PROM1: variants seen among roughly 807,000 people sequenced by gnomAD.
PROM1 encodes the protein prominin-1.
In PROM1, 105 loss-of-function variants were observed where a neutral mutation model predicts 116.9. The observed-to-expected ratio is 0.90, with a 90% CI of 0.77 to 1.06. The LOEUF is 1.06. PROM1 is among the 50% of genes least tolerant of loss of function. The probability of loss-of-function intolerance (pLI) is 0.00; values close to 1 mark genes in which losing one functional copy is unlikely to be tolerated. For synonymous variants in PROM1, 393 were observed against 387.0 expected (o/e 1.02, Z -0.18); for missense variants, 1,122 against 1,045.2 (o/e 1.07, Z -1.01).
At chr4:16,000,658 G>A in intron 13 of PROM1, 39 bp from the exon 14 acceptor site, 1 of 1,478,074 alleles carries the variant, frequency 6.8e-7, no homozygotes, top group Non-Finnish European at 9.3e-7. Context: ...AACAAAGAAT[G>A]ATTCAATATT....
At chr4:16,023,258 G>A (rs915382313) in intron 8 of PROM1, 68 bp downstream of exon 8, 48 of 1,353,350 alleles carry the variant, frequency 3.5e-5, no homozygotes, top group Middle Eastern at 1.8e-4. Context: ...AGAAAAGAGT[G>A]AGCAAGCCTG....
Position 15,998,426 on chromosome 4 carries a change from A to G in PROM1, c.1641T>C (p.Phe547=). ...AAGTGAGCTTCATTTTTGATTTATT[A>G]AATAGCTTCCCAGAGAGATAGTATT... ...DWEYYLSGKL[F]NKSKMKLTFE... is the part of the protein sequence containing the mutation. The change falls in exon 15 of 28, where the codon TTT becomes TTC. Residue 547 remains phenylalanine (F), a synonymous_variant. Transcript: ENST00000447510. The G allele has an allele frequency of 6.2e-7, 1 of 1,609,106 alleles. No homozygotes were observed. Among genetic ancestry groups the G allele is most frequent in the South Asian group, 1.1e-5 (1 of 89,344 alleles).
rs142610032 is a variant in PROM1 at position 16,036,743 on chromosome 4, G to C, written c.277-982C>G. 1.0e-3 allele frequency among the ~76,000 whole-genome samples: 158 copies of C among 152,314 alleles called. 5 individuals are homozygous for C. In the East Asian group the frequency reaches 0.025, roughly 24 times the overall value. On this transcript the variant is annotated intron_variant, in intron 3 of 27. Coordinates refer to ENST00000447510, the MANE Select transcript of PROM1 (RefSeq NM_006017.3). ...ATTGGTGTAGGGTCTGCTTCAGGGGGAACCAACCCAACACACTCAGCCTTT... is the reference window on the plus strand; with the variant it reads ...ATTGGTGTAGGGTCTGCTTCAGGGGCAACCAACCCAACACACTCAGCCTTT...
chr4:15,989,934 G>T, intron 18 of PROM1, 110 bp from the exon 19 acceptor site: 2 of 811,944 alleles, frequency 2.5e-6, no homozygotes, highest in Non-Finnish European at 2.0e-6. Flanking sequence ...ACATAAGCAT[G>T]CAATGATGGC....
chr4:16,078,084 G>A (rs1443990669), intron 1 of PROM1: 2 of 152,224 alleles, frequency 1.3e-5, no homozygotes, highest in Non-Finnish European at 2.9e-5. Context: ...CCAGGGCAGA[G>A]GGAGACTCTT....
chr4:16,000,529 G>T lies in PROM1; in HGVS notation c.1545C>A (p.Ile515=). ...ATTCCTTGCTCGTGTAAGGTTCACA[G>T]ATCAGTTTTTCCACATTTGCACCAA... ...FVFGANVEKL[I]CEPYTSKELF... The change falls in exon 14 of 28, where the codon ATC becomes ATA. Residue 515 remains isoleucine (I), a synonymous_variant. Coordinates refer to ENST00000447510, the MANE Select transcript of PROM1 (RefSeq NM_006017.3). The T allele has an allele frequency of 6.3e-7, 1 of 1,595,754 alleles. No individual in the cohort carries two copies. The highest frequency in any genetic ancestry group is 2.2e-5 in the East Asian group (1 of 44,756).
intron 3 of PROM1, among the ~76,000 whole-genome samples, chr4:16,037,241 A>G (rs1321217625): frequency 6.6e-6 from 1 of 152,202 alleles, no homozygotes; most frequent in Non-Finnish European, 1.5e-5. Flanking sequence ...TAAATATAAA[A>G]GCAACTGTCA....
intron 2 of PROM1, among the ~76,000 whole-genome samples, chr4:16,044,589 C>T (rs942781024): frequency 6.6e-6 from 1 of 152,122 alleles, no homozygotes; most frequent in Non-Finnish European, 1.5e-5. Context: ...AATATGTTAA[C>T]CCATACATTA....
At chr4:16,051,308 G>C (rs934963108) in intron 2 of PROM1, among the ~76,000 whole-genome samples, 1 of 152,220 alleles carries the variant, frequency 6.6e-6, no homozygotes, top group African/African-American at 2.4e-5. Flanking sequence ...TAGGAGCAGA[G>C]AACTCCAGCC....
intron 2 of PROM1, among the ~76,000 whole-genome samples, chr4:16,045,018 C>T (rs1381743058): frequency 6.6e-6 from 1 of 152,148 alleles, no homozygotes; most frequent in African/African-American, 2.4e-5. Context: ...CGGAGCACTA[C>T]AGATGCTAAG....
At chr4:16,018,008 A>AT (rs1316895767) in intron 9 of PROM1, among the ~76,000 whole-genome samples, 1 of 29,722 alleles carries the variant, frequency 3.4e-5, no homozygotes, top group African/African-American at 1.1e-4. Flanking sequence ...CTAGGCACAT[A>AT]TTTAAAAATT....
At chr4:16,077,497 G>C (rs932907556) in intron 1 of PROM1, among the ~76,000 whole-genome samples, 3 of 152,100 alleles carry the variant, frequency 2.0e-5, no homozygotes, top group Admixed American at 6.5e-5. Flanking sequence ...TGGATCCTCC[G>C]TACGCTGAAC....
intron 1 of PROM1, 47 bp downstream of exon 1, chr4:16,083,931 T>C (rs1745519971): frequency 6.6e-6 from 1 of 152,140 alleles, no homozygotes; most frequent in Non-Finnish European, 1.5e-5. Context: ...GACGGGGACC[T>C]AGGTATGGGG....
At chr4:16,024,409 T>C (rs1730710490) in intron 6 of PROM1, 51 bp from the exon 7 acceptor site, 1 of 1,454,416 alleles carries the variant, frequency 6.9e-7, no homozygotes, top group African/African-American at 1.4e-5. Context: ...CCAAAGGCAA[T>C]AAGAGGGCAA....
At chr4:15,982,428 C>T (rs773337993) in intron 23 of PROM1, among the ~76,000 whole-genome samples, 14 of 152,214 alleles carry the variant, frequency 9.2e-5, no homozygotes, top group Non-Finnish European at 1.6e-4. Context: ...AACTTTATAA[C>T]AACCTTATCC....
chr4:15,971,963 G>C (rs1204991077), intron 26 of PROM1: 2 of 152,244 alleles, frequency 1.3e-5, no homozygotes, highest in African/African-American at 4.8e-5. Flanking sequence ...CCCTGGAAAA[G>C]GGTGCAAGCA....
rs751530370 is a variant in PROM1 at position 16,025,319 on chromosome 4, GAA to G, written c.510-9_510-8del. The stretch of plus-strand genomic sequence containing the variant: ...ACCATAGAAGATGCCAATGCTGCAG[GAA>G]AAGGCAGAGAGAAGAAAGAGCATTT... On this transcript the variant is annotated splice_polypyrimidine_tract_variant and splice_region_variant and intron_variant, in intron 5 of 27. Coordinates refer to ENST00000447510, the MANE Select transcript of PROM1 (RefSeq NM_006017.3). 1 of 1,613,502 alleles carries G rather than the reference GAA, an allele frequency of 6.2e-7. No homozygotes were observed. The highest frequency in any genetic ancestry group is 1.3e-5 in the African/African-American group (1 of 75,030).
chr4:16,082,594 G>C (rs769545429), intron 1 of PROM1: 5 of 152,240 alleles, frequency 3.3e-5, no homozygotes, highest in African/African-American at 9.7e-5. Context: ...CGCGAGCTGC[G>C]GGACACAAAA....
intron 1 of PROM1, among the ~76,000 whole-genome samples, chr4:16,079,745 T>C (rs1160261003): frequency 6.6e-6 from 1 of 152,176 alleles, no homozygotes; most frequent in Non-Finnish European, 1.5e-5. Flanking sequence ...AACAGTTCTG[T>C]TCCTGGAGTA....
Sources: allele counts gnomAD v4.1 joint callset (sites outside exome capture counted in the v4.1 genomes callset), GRCh38; gene constraint gnomAD v4.1.1; transcripts MANE v1.5; gene names NCBI Gene and HGNC (gene_info 2026-07-23, HGNC 2026-07-21).